Variants in AKT2 observed in about 807,000 individuals in gnomAD.
AKT2 encodes the protein AKT serine/threonine kinase 2, also known as RAC-beta serine/threonine-protein kinase.
AKT2 carries 16 observed loss-of-function variants against 58.6 expected under a neutral mutation model. The ratio of observed to expected loss-of-function variants is 0.27; its 90% CI spans 0.18 to 0.41. The LOEUF (loss-of-function observed/expected upper bound fraction) is 0.41, where lower values mean the gene tolerates loss of function less well. AKT2 is among the 10% of genes least tolerant of loss of function. AKT2 has a pLI of 1.00. For missense variants in AKT2, 438 were observed against 661.0 expected, an observed-to-expected ratio of 0.66 and a Z score of 3.70; for synonymous variants, 253 against 254.0, an observed-to-expected ratio of 1.00 and a Z score of 0.04.
intron 1 of AKT2, among the ~76,000 whole-genome samples, chr19:40,268,144 G>A (rs567004638): frequency 6.6e-6 from 1 of 152,258 alleles, no homozygotes; most frequent in South Asian, 2.1e-4. Context: ...TGCAAGCTCA[G>A]TTCAAAATAC....
intron 4 of AKT2, among the ~76,000 whole-genome samples, chr19:40,246,641 C>T (rs776974006): frequency 1.3e-5 from 2 of 152,212 alleles, no homozygotes; most frequent in Non-Finnish European, 2.9e-5. Context: ...AGATGTACAG[C>T]GTGGTATCAT....
chr19:40,256,113 A>G (rs1975524308), intron 3 of AKT2, among the ~76,000 whole-genome samples: 1 of 152,118 alleles, frequency 6.6e-6, no homozygotes, highest in African/African-American at 2.4e-5. Flanking sequence ...ACTTGGGGAG[A>G]TGTGTCCAAG....
At chr19:40,279,608 T>C (rs2145431409) in intron 1 of AKT2, 1 of 147,518 alleles carries the variant, frequency 6.8e-6, no homozygotes, top group African/African-American at 2.5e-5. Context: ...TGGTTTGTTC[T>C]GAGGGGTTCT....
chr19:40,253,292 T>C lies in AKT2; in HGVS notation c.287+1866A>G, dbSNP rs112298060. On this transcript the variant is annotated intron_variant, in intron 4 of 13. Transcript: ENST00000392038. ...TTTTAGGGCTCTCTAGAGGGTCTGC[T>C]GAAACCTTACCCCATAGATAAGCTA... Among the ~76,000 whole-genome samples the C allele has an allele frequency of 9.1e-3, 1,386 of 152,276 alleles. 26 individuals are homozygous for C. The highest frequency in any genetic ancestry group is 9.5e-3 in the Non-Finnish European group (643 of 68,022).
chr19:40,285,309 A>T lies in AKT2; in HGVS notation c.-213T>A. 1 of 393,118 alleles carries T rather than the reference A, an allele frequency of 2.5e-6. No individual in the cohort carries two copies. Among genetic ancestry groups the T allele is most frequent in the Non-Finnish European group, 4.5e-6 (1 of 223,176 alleles). The allele number at this position is 393,118 out of a possible 1,614,324, so 24.4% of individuals were successfully genotyped here. A position where few individuals can be genotyped will look rare whatever the true frequency, so the allele number is the denominator to read the frequency against. ...GCCGGCAGCGGCAGCGGCGGCGGCGACGCCTCCTCCGAGGCAGGCCCAACG... is the reference window on the plus strand; with the variant it reads ...GCCGGCAGCGGCAGCGGCGGCGGCGTCGCCTCCTCCGAGGCAGGCCCAACG... On this transcript the variant is annotated 5_prime_UTR_variant, in exon 1 of 14. Coordinates refer to ENST00000392038, the MANE Select transcript of AKT2 (RefSeq NM_001626.6).
At position 40,230,675 on chromosome 19, in the gene AKT2, T is replaced by G. The variant is rs1973655790; in HGVS notation, c.*3197A>C. On this transcript the variant is annotated 3_prime_UTR_variant, in exon 14 of 14. Transcript: ENST00000392038. Reference sequence around the variant, plus strand: ...GCGACCTCGGGTGAATTTCCTTTCTTATACTCCTGCTTTGCTGTCTTTTTT... The same window carrying G: ...GCGACCTCGGGTGAATTTCCTTTCTGATACTCCTGCTTTGCTGTCTTTTTT... 4.5e-6 allele frequency: 1 copy of G among 222,492 alleles called. No individual in the cohort carries two copies. Among genetic ancestry groups the G allele is most frequent in the South Asian group, 1.8e-4 (1 of 5,436 alleles). The allele number at this position is 222,492 out of a possible 1,614,324, so 13.8% of individuals were successfully genotyped here.
rs1973651293 is a variant in AKT2, at chr19:40,230,534, A to G, written c.*3338T>C. The G allele has an allele frequency of 4.4e-6, 1 of 227,312 alleles. No homozygotes were observed. The highest frequency in any genetic ancestry group is 8.7e-6 in the Non-Finnish European group (1 of 114,426). The allele number at this position is 227,312 out of a possible 1,614,324, so 14.1% of individuals were successfully genotyped here. ...CCATCAGTGCACGAGGGCAGCCCCC[A>G]GAGGCTTCACATTAACTGGAAAAGA... On this transcript the variant is annotated 3_prime_UTR_variant, in exon 14 of 14. Coordinates refer to ENST00000392038, the MANE Select transcript of AKT2 (RefSeq NM_001626.6).
intron 3 of AKT2, among the ~76,000 whole-genome samples, chr19:40,256,644 A>AGGT (rs1468965084): frequency 1.3e-3 from 202 of 152,350 alleles, no homozygotes; most frequent in African/African-American, 4.6e-3. Context: ...GGGGACTCCA[A>AGGT]GGCCTGGCTG....
chr19:40,248,837 G>C (rs1321740067), intron 4 of AKT2, among the ~76,000 whole-genome samples: 1 of 148,594 alleles, frequency 6.7e-6, no homozygotes, highest in Non-Finnish European at 1.5e-5. Flanking sequence ...TGAGGACAGA[G>C]AGGAGTGCAG....
chr19:40,282,478 C>A, intron 1 of AKT2: 1 of 508,746 alleles, frequency 2.0e-6, no homozygotes, highest in Non-Finnish European at 4.0e-6. Flanking sequence ...TGCCTCCACT[C>A]TGAGGAGGGA....
intron 9 of AKT2, 83 bp from the exon 10 acceptor site, chr19:40,236,468 C>T (rs1250176146): frequency 4.6e-5 from 73 of 1,588,900 alleles, no homozygotes; most frequent in Middle Eastern, 3.3e-4. Flanking sequence ...GAAAGATGCC[C>T]GGGGCTCCTG....
intron 3 of AKT2, 62 bp from the exon 4 acceptor site, chr19:40,255,331 A>G (rs1191650437): frequency 7.0e-7 from 1 of 1,431,752 alleles, no homozygotes; most frequent in Admixed American, 1.7e-5. Context: ...CCTGCAGCCC[A>G]AAGTGCCCGA....
chr19:40,276,342 A>C (rs1255967626), intron 1 of AKT2, among the ~76,000 whole-genome samples: 3 of 115,870 alleles, frequency 2.6e-5, no homozygotes, highest in Admixed American at 1.1e-4. Flanking sequence ...TGTAAAATGG[A>C]ATCTTTTTTT....
chr19:40,274,126 G>C (rs1393920078), intron 1 of AKT2: 1 of 152,460 alleles, frequency 6.6e-6, no homozygotes, highest in African/African-American at 2.4e-5. Context: ...CGGACTCTCA[G>C]AGCTCAGCCT....
At chr19:40,260,184 C>T (rs1190262772) in intron 2 of AKT2, among the ~76,000 whole-genome samples, 1 of 151,708 alleles carries the variant, frequency 6.6e-6, no homozygotes, top group African/African-American at 2.4e-5. Context: ...ACAAAAAAAT[C>T]CACACACACA....
In AKT2 at chr19:40,257,032, C is replaced by T; in HGVS notation, c.69G>A (p.Arg23=). 6.2e-7 allele frequency: 1 copy of T among 1,614,186 alleles called. No individual in the cohort carries two copies. Among genetic ancestry groups the T allele is most frequent in the African/African-American group, 1.3e-5 (1 of 75,066 alleles). ...CGCTCTTCAGCAGGAAGTACCGTGG[C>T]CTCCAGGTCTTGATGTATTCACCTG... ...HKRGEYIKTW[R]PRYFLLKSDG... The change falls in exon 3 of 14, where the codon AGG becomes AGA. Residue 23 remains arginine (R), a synonymous_variant. Coordinates refer to ENST00000392038, the MANE Select transcript of AKT2 (RefSeq NM_001626.6).
chr19:40,249,017 G>C (rs985671458), intron 4 of AKT2, among the ~76,000 whole-genome samples: 1 of 147,618 alleles, frequency 6.8e-6, no homozygotes, highest in African/African-American at 2.5e-5. Context: ...ACAGGGAGGA[G>C]TGGAGGAGAT....
chr19:40,274,858 G>T, intron 1 of AKT2: 1 of 353,762 alleles, frequency 2.8e-6, no homozygotes, highest in South Asian at 2.1e-5. Flanking sequence ...CTCTTATTTG[G>T]AGTGAGAGGG....
chr19:40,281,797 T>G (rs1200576567), intron 1 of AKT2, among the ~76,000 whole-genome samples: 1 of 152,238 alleles, frequency 6.6e-6, no homozygotes, highest in East Asian at 1.9e-4. Context: ...GACCAACAGC[T>G]CACCATGTGT....
Sources: gnomAD v4.1 joint callset for allele counts (sites outside exome capture counted in the v4.1 genomes callset) on GRCh38, gnomAD v4.1.1 for gene constraint, MANE v1.5 for transcripts, NCBI Gene and HGNC (gene_info 2026-07-23, HGNC 2026-07-21) for gene names.